Variants in DRD2 observed in about 807,000 individuals in gnomAD.
DRD2 encodes the protein D(2) dopamine receptor.
In DRD2, 8 loss-of-function variants were observed where a neutral mutation model predicts 38.0. The observed-to-expected ratio is 0.21, with a 90% confidence interval of 0.12 to 0.38. The LOEUF is 0.38. Among genes scored for constraint, DRD2 ranks in the 10% least tolerant of loss-of-function variants. The pLI is 1.00. For missense variants in DRD2, 403 were observed against 607.7 expected (o/e 0.66, Z 3.54); for synonymous variants, 230 against 238.6 (o/e 0.96, Z 0.33).
At chr11:113,431,784 C>T (rs1426484754) in intron 1 of DRD2, among the ~76,000 whole-genome samples, 1 of 152,196 alleles carries the variant, frequency 6.6e-6, no homozygotes, top group Non-Finnish European at 1.5e-5. Context: ...TGCTATTCAC[C>T]CTATATGCCT....
At chr11:113,429,631 C>T (rs1484776298) in intron 1 of DRD2, among the ~76,000 whole-genome samples, 1 of 152,178 alleles carries the variant, frequency 6.6e-6, no homozygotes, top group East Asian at 1.9e-4. Context: ...TTTCACCTCT[C>T]ACAAGCAGGG....
chr11:113,415,568 G>A lies in DRD2; in HGVS notation c.576C>T (p.Tyr192=), dbSNP rs1950817551. ...GCACGTAGAAGGAGACGATGGAGGA[G>A]TAGACCACGAAGGCCGGGTTGGCAA... ...CIIANPAFVV[Y]SSIVSFYVPF... The change falls in exon 5 of 8, where the codon TAC becomes TAT. Residue 192 remains tyrosine, a synonymous_variant. Transcript: ENST00000362072. The A allele has an allele frequency of 6.2e-7, 1 of 1,614,206 alleles. No homozygotes were observed. Among genetic ancestry groups the A allele is most frequent in the South Asian group, 1.1e-5 (1 of 91,084 alleles).
intron 2 of DRD2, among the ~76,000 whole-genome samples, chr11:113,421,572 TG>T (rs1950884327): frequency 6.6e-6 from 1 of 151,130 alleles, no homozygotes; most frequent in Admixed American, 6.6e-5. Context: ...AGCTGGGAAT[TG>T]AACCTGGTCC....
chr11:113,411,368 G>A (rs1124491), intron 7 of DRD2, among the ~76,000 whole-genome samples: 22,817 of 152,030 alleles, frequency 0.15, 2,371 homozygotes, highest in East Asian at 0.4. Context: ...CTTGAGCAGC[G>A]AGGCTGAGAG....
At chr11:113,429,369 C>T (rs1488369815) in intron 1 of DRD2, among the ~76,000 whole-genome samples, 4 of 152,126 alleles carry the variant, frequency 2.6e-5, no homozygotes, top group Admixed American at 6.5e-5. Flanking sequence ...CTCAGCCTCC[C>T]GAGTAGCCAG....
chr11:113,442,830 G>A (rs530002155), intron 1 of DRD2, among the ~76,000 whole-genome samples: 97 of 152,274 alleles, frequency 6.4e-4, no homozygotes, highest in African/African-American at 2.3e-3. Flanking sequence ...GGACTCTACC[G>A]CATGCATCAG....
chr11:113,475,044 G>A (rs1346784977), intron 1 of DRD2, 32 bp downstream of exon 1: 1 of 152,064 alleles, frequency 6.6e-6, no homozygotes, highest in Non-Finnish European at 1.5e-5. Flanking sequence ...GTGACACTGA[G>A]TCGCCCGCCG....
chr11:113,432,178 C>T (rs1950993103), intron 1 of DRD2, among the ~76,000 whole-genome samples: 2 of 152,202 alleles, frequency 1.3e-5, no homozygotes, highest in African/African-American at 4.8e-5. Flanking sequence ...ACTTAGTCCC[C>T]AGGCTGATGG....
rs575299877 is a variant in DRD2, at chr11:113,460,721, C to T, written c.-32+14355G>A. Among the ~76,000 whole-genome samples, 6 of 152,348 alleles carry T rather than the reference C, an allele frequency of 3.9e-5. No homozygotes were observed. In the East Asian group the frequency reaches 7.7e-4, roughly 20 times the overall value. On this transcript the variant is annotated intron_variant, in intron 1 of 7. Transcript: ENST00000362072. ...GGATTATGGACTCCTGTGGCTGTGA[C>T]GTTACCGTGGAGACAGGGTGTGGGG...
intron 3 of DRD2, 54 bp from the exon 4 acceptor site, chr11:113,417,053 C>T: frequency 6.2e-7 from 1 of 1,600,652 alleles, no homozygotes; most frequent in Non-Finnish European, 8.5e-7. Context: ...ACCCCTCACT[C>T]CACAATATGC....
chr11:113,424,937 C>G, intron 1 of DRD2: 1 of 494,042 alleles, frequency 2.0e-6, no homozygotes, highest in Admixed American at 3.4e-5. Flanking sequence ...AGAGCTGATC[C>G]ATCATTTATT....
chr11:113,462,632 G>A (rs966404775), intron 1 of DRD2, among the ~76,000 whole-genome samples: 1 of 152,204 alleles, frequency 6.6e-6, no homozygotes, highest in Non-Finnish European at 1.5e-5. Flanking sequence ...CATGCTCCAT[G>A]CAGGAGCAGT....
At chr11:113,454,161 T>C (rs1235468194) in intron 1 of DRD2, among the ~76,000 whole-genome samples, 1 of 152,116 alleles carries the variant, frequency 6.6e-6, no homozygotes, top group African/African-American at 2.4e-5. Context: ...TGCTTCAAAT[T>C]AGAGCATTAT....
At chr11:113,434,751 G>A (rs1436278717) in intron 1 of DRD2, among the ~76,000 whole-genome samples, 7 of 152,210 alleles carry the variant, frequency 4.6e-5, no homozygotes, top group Non-Finnish European at 1.0e-4. Context: ...CTGTGGGAGG[G>A]AAGTCACAGC....
At chr11:113,468,727 T>C (rs1209456676) in intron 1 of DRD2, among the ~76,000 whole-genome samples, 3 of 152,156 alleles carry the variant, frequency 2.0e-5, no homozygotes, top group African/African-American at 7.2e-5. Flanking sequence ...TTGTGTGTTT[T>C]AGTAGAGATG....
rs71653613 is a variant in DRD2, at chr11:113,415,349, G to C, written c.723+72C>G. The C allele has an allele frequency of 3.7e-3, 5,632 of 1,523,734 alleles. 15 individuals carry two copies. Among genetic ancestry groups the C allele is most frequent in the Non-Finnish European group, 4.6e-3 (5,186 of 1,129,812 alleles). The allele number at this position is 1,523,734 out of a possible 1,614,324, so 94.4% of individuals were successfully genotyped here. A position where few individuals can be genotyped will look rare whatever the true frequency, so the allele number is the denominator to read the frequency against. On this transcript the variant is annotated intron_variant, in intron 5 of 7. Coordinates refer to ENST00000362072, the MANE Select transcript of DRD2 (RefSeq NM_000795.4). Reference sequence around the variant, plus strand: ...GCTGAGGTTTCCCAAGCCCCCACCTGAGCATAAGATGAGCCCTCTTGGTAA... The same window carrying C: ...GCTGAGGTTTCCCAAGCCCCCACCTCAGCATAAGATGAGCCCTCTTGGTAA...
chr11:113,412,784 G>T lies in DRD2; in HGVS notation c.910C>A (p.Gln304Lys). ...RYSPIPPSHH[Q>K]LTLPDPSHHG... Reference sequence around the variant, plus strand: ...TGGGACGGGTCGGGGAGAGTCAGCTGGTGGTGGCTGGGTGGGATGGGGCTG... The same window carrying T: ...TGGGACGGGTCGGGGAGAGTCAGCTTGTGGTGGCTGGGTGGGATGGGGCTG... Residue 304 changes from glutamine to lysine, a missense_variant, in exon 7 of 8, where the codon CAG (glutamine) becomes AAG (lysine). Gln to Lys is a moderately conservative substitution (Grantham distance 53). Around this residue, in one of 4 missense-constraint regions of DRD2, gnomAD observed 166 missense variants for 178.6 expected, o/e 0.93. Coordinates refer to ENST00000362072, the MANE Select transcript of DRD2 (RefSeq NM_000795.4). The T allele has an allele frequency of 7.4e-6, 12 of 1,613,750 alleles. No individual in the cohort carries two copies. Among genetic ancestry groups the T allele is most frequent in the Non-Finnish European group, 9.3e-6 (11 of 1,179,690 alleles).
intron 5 of DRD2, among the ~76,000 whole-genome samples, chr11:113,415,134 AC>A: frequency 6.6e-6 from 1 of 152,276 alleles, no homozygotes; most frequent in Admixed American, 6.5e-5. Context: ...AGAGGAGCCC[AC>A]GGGGGTACCA....
chr11:113,410,736 G>T lies in DRD2; in HGVS notation c.1323C>A (p.Leu441=). 1 of 1,614,226 alleles carries T rather than the reference G, an allele frequency of 6.2e-7. No individual in the cohort carries two copies. Among genetic ancestry groups the T allele is most frequent in the Non-Finnish European group, 8.5e-7 (1 of 1,180,036 alleles). Residue 441 remains leucine, a synonymous_variant, in exon 8 of 8, where the codon CTC becomes CTA. Transcript: ENST00000362072. ...CGGGCAGGCAGCAGAGTCAGCAGTG[G>T]AGGATCTTCAGGAAGGCCTTGCGGA... is the stretch of plus-strand genomic sequence containing the variant. ...IEFRKAFLKI[L]HC is the part of the protein sequence containing the mutation.
Sources: allele counts gnomAD v4.1 joint callset (sites outside exome capture counted in the v4.1 genomes callset), GRCh38; gene constraint gnomAD v4.1.1; regional missense constraint gnomAD v4.1.1; transcripts MANE v1.5; gene names NCBI Gene and HGNC (gene_info 2026-07-23, HGNC 2026-07-21).